Variants in CELF3 observed in about 807,000 individuals in gnomAD.
The protein encoded by CELF3 is CAG repeat domain.
A neutral mutation model predicts 59.6 loss-of-function variants in CELF3; 26 were observed. That is an observed-to-expected ratio of 0.44 (90% CI 0.32 to 0.61). CELF3 has a LOEUF of 0.61. Ranked by LOEUF, CELF3 falls within the 20% of genes least tolerant of loss-of-function variation. The pLI is 0.06. For synonymous variants in CELF3, 245 were observed against 250.7 expected, an observed-to-expected ratio of 0.98 and a Z score of 0.22; for missense variants, 387 against 627.2, an observed-to-expected ratio of 0.62 and a Z score of 4.09.
At chr1:151,706,591 C>T in intron 9 of CELF3, 78 bp downstream of exon 9, 2 of 1,449,486 alleles carry the variant, frequency 1.4e-6, no homozygotes, top group Non-Finnish European at 1.9e-6. Flanking sequence ...AGCCAAGAAG[C>T]CCAGACCCAG....
In CELF3 at chr1:151,707,736, G is replaced by A. The variant is rs1222172840; in HGVS notation, c.630+56C>T. Reference sequence around the variant, plus strand: ...CCCGGGGCCTTGGCATCGGGAGGGTGGGGGCAAGATACAGGGGGTCAGGAG... The same window carrying A: ...CCCGGGGCCTTGGCATCGGGAGGGTAGGGGCAAGATACAGGGGGTCAGGAG... On this transcript the variant is annotated intron_variant, in intron 6 of 12. Coordinates refer to ENST00000290583, the MANE Select transcript of CELF3 (RefSeq NM_007185.7). 4 of 1,602,934 alleles carry A rather than the reference G, an allele frequency of 2.5e-6. No individual in the cohort carries two copies. The African/African-American group carries it at 4.0e-5, about 16-fold the overall frequency.
Position 151,716,601 on chromosome 1 carries a change from A to C in CELF3, c.-581T>G, listed in dbSNP as rs1673494589. ...GAAGATCCCTGATGCCAGATGCTTG[A>C]TCTCTGATGGCGGCAGGGCTCCAGG... On this transcript the variant is annotated 5_prime_UTR_variant, in exon 1 of 13. Coordinates refer to ENST00000290583, the MANE Select transcript of CELF3 (RefSeq NM_007185.7). The C allele has an allele frequency of 2.9e-6, 1 of 345,960 alleles. No homozygotes were observed. Among genetic ancestry groups the C allele is most frequent in the Non-Finnish European group, 5.9e-6 (1 of 169,256 alleles). The allele number at this position is 345,960 out of a possible 1,614,324, so 21.4% of individuals were successfully genotyped here. A position where few individuals can be genotyped will look rare whatever the true frequency, so the allele number is the denominator to read the frequency against.
In CELF3 at chr1:151,709,185, G is replaced by C. The variant is rs1365166265; in HGVS notation, c.406+35C>G. On this transcript the variant is annotated intron_variant, in intron 4 of 12. Coordinates refer to ENST00000290583, the MANE Select transcript of CELF3 (RefSeq NM_007185.7). The surrounding 1 kb of genome is among the most constrained non-coding windows in gnomAD (Gnocchi z 4.9). ...CTTGGGGGTGGAACAGGAAGGGGAA[G>C]GGCCCGGTGGGGAAGGGGGAAGTGG... is the stretch of plus-strand genomic sequence containing the variant. 1 of 1,610,346 alleles carries C rather than the reference G, an allele frequency of 6.2e-7. No individual in the cohort carries two copies. The highest frequency in any genetic ancestry group is 8.5e-7 in the Non-Finnish European group (1 of 1,177,014).
Position 151,703,204 on chromosome 1 carries a change from C to A in CELF3, c.*255G>T. 2.2e-6 allele frequency: 1 copy of A among 458,840 alleles called. No homozygotes were observed. Among genetic ancestry groups the A allele is most frequent in the South Asian group, 1.5e-5 (1 of 64,636 alleles). The allele number at this position is 458,840 out of a possible 1,614,324, so 28.4% of individuals were successfully genotyped here. ...ATACCCCGGAGCCTTCGAGCCTGTT[C>A]CTCGCTCCCTCACAAAGGCCAAAAG... is the stretch of plus-strand genomic sequence containing the variant. On this transcript the variant is annotated 3_prime_UTR_variant, in exon 13 of 13. Coordinates refer to ENST00000290583, the MANE Select transcript of CELF3 (RefSeq NM_007185.7).
rs558315598 is a variant in CELF3 at position 151,716,727 on chromosome 1, C to A, written c.-707G>T. ...CTGGGCTGCTGCCGGCTGCTCCCGCCGCTGGGGCTGCCTGCTTTCCCGGTC... is the reference window on the plus strand; with the variant it reads ...CTGGGCTGCTGCCGGCTGCTCCCGCAGCTGGGGCTGCCTGCTTTCCCGGTC... On this transcript the variant is annotated 5_prime_UTR_variant, in exon 1 of 13. Coordinates refer to ENST00000290583, the MANE Select transcript of CELF3 (RefSeq NM_007185.7). 3.0e-5 allele frequency: 14 copies of A among 460,008 alleles called. No homozygotes were observed. The highest frequency in any genetic ancestry group is 7.2e-5 in the Admixed American group (3 of 41,918). 28.5% of individuals were successfully genotyped at this position (460,008 alleles called of 1,614,324 possible).
rs1210175179 is a variant in CELF3 at position 151,700,432 on chromosome 1, A to G, written c.*3027T>C. On this transcript the variant is annotated 3_prime_UTR_variant, in exon 13 of 13. Coordinates refer to ENST00000290583, the MANE Select transcript of CELF3 (RefSeq NM_007185.7). Reference sequence around the variant, plus strand: ...CTGGGAATGAAAAGACATGGGAGAAAAGGGACCAAACTTGCCTAGAGAACA... The same window carrying G: ...CTGGGAATGAAAAGACATGGGAGAAGAGGGACCAAACTTGCCTAGAGAACA... Among the ~76,000 whole-genome samples, 1 of 152,222 alleles carries G rather than the reference A, an allele frequency of 6.6e-6. No homozygotes were observed.
In CELF3 at chr1:151,705,725, A is replaced by G. The variant is rs2102769958; in HGVS notation, c.1270+97T>C. The G allele has an allele frequency of 1.5e-6, 2 of 1,350,768 alleles. No homozygotes were observed. Among genetic ancestry groups the G allele is most frequent in the Non-Finnish European group, 2.1e-6 (2 of 973,106 alleles). The allele number at this position is 1,350,768 out of a possible 1,614,324, so 83.7% of individuals were successfully genotyped here. ...TGTACTCTTGGATAATCAGTATTTC[A>G]AATACTGGGTCCACTGTGACCATAA... On this transcript the variant is annotated intron_variant, in intron 11 of 12. Coordinates refer to ENST00000290583, the MANE Select transcript of CELF3 (RefSeq NM_007185.7). This position sits in a 1 kb window ranked among gnomAD's most constrained non-coding sequence, Gnocchi z 5.1.
chr1:151,709,531 G>T lies in CELF3; in HGVS notation c.278-183C>A. ...AGAGGGTGCTCATCCCAGCTCTGAGGGACTCGCACTCCACCCTGGGCCTCA... is the reference window on the plus strand; with the variant it reads ...AGAGGGTGCTCATCCCAGCTCTGAGTGACTCGCACTCCACCCTGGGCCTCA... On this transcript the variant is annotated intron_variant, in intron 3 of 12. Coordinates refer to ENST00000290583, the MANE Select transcript of CELF3 (RefSeq NM_007185.7). The surrounding 1 kb of genome is among the most constrained non-coding windows in gnomAD (Gnocchi z 4.9). 1 of 959,508 alleles carries T rather than the reference G, an allele frequency of 1.0e-6. No homozygotes were observed. Among genetic ancestry groups the T allele is most frequent in the Non-Finnish European group, 1.6e-6 (1 of 629,426 alleles). The allele number at this position is 959,508 out of a possible 1,614,324, so 59.4% of individuals were successfully genotyped here. A position where few individuals can be genotyped will look rare whatever the true frequency, so the allele number is the denominator to read the frequency against.
rs1349814127 is a variant in CELF3, at chr1:151,701,875, A to T, written c.*1584T>A. ...GAGTTCAAGGTTGCAGTGAGCTATG[A>T]TCTCACCATCACACTCCAGCTTGAG... On this transcript the variant is annotated 3_prime_UTR_variant, in exon 13 of 13. Transcript: ENST00000290583. 6.6e-6 allele frequency among the ~76,000 whole-genome samples: 1 copy of T among 152,198 alleles called. No homozygotes were observed. The highest frequency in any genetic ancestry group is 6.5e-5 in the Admixed American group (1 of 15,286).
In CELF3 at chr1:151,700,743, A is replaced by G. The variant is rs950384798; in HGVS notation, c.*2716T>C. On this transcript the variant is annotated 3_prime_UTR_variant, in exon 13 of 13. Transcript: ENST00000290583. ...TGGAAGTGAAATCTTAAATGATTTAATACCATTGAGTTTATGCGAAAGTAC... is the reference window on the plus strand; with the variant it reads ...TGGAAGTGAAATCTTAAATGATTTAGTACCATTGAGTTTATGCGAAAGTAC... Among the ~76,000 whole-genome samples, 3 of 152,246 alleles carry G rather than the reference A, an allele frequency of 2.0e-5. No homozygotes were observed. Among genetic ancestry groups the G allele is most frequent in the African/African-American group, 7.2e-5 (3 of 41,458 alleles).
chr1:151,707,020 G>C (rs115502168), intron 8 of CELF3, 125 bp downstream of exon 8: 22,182 of 1,166,472 alleles, frequency 0.019, 261 homozygotes, highest in Middle Eastern at 0.044. Flanking sequence ...TCCCCGCCCA[G>C]GATGGCAGGG....
chr1:151,714,526 G>T, intron 2 of CELF3, 68 bp downstream of exon 2: 1 of 1,108,314 alleles, frequency 9.0e-7, no homozygotes, highest in Non-Finnish European at 1.3e-6. Context: ...GTGTCAGGAG[G>T]GTGGTGAGCC....
Position 151,716,669 on chromosome 1 carries a change from GC to G in CELF3, c.-650del. 8.6e-6 allele frequency: 1 copy of G among 116,314 alleles called. No individual in the cohort carries two copies. The highest frequency in any genetic ancestry group is 8.6e-5 in the South Asian group (1 of 11,588). The allele number at this position is 116,314 out of a possible 1,614,324, so 7.2% of individuals were successfully genotyped here. ...CGCCCCCCTTCAGGTCCTCCCCTCAGCCCCCCTCCCACCCCCACCCCAGTCC... is the reference window on the plus strand; with the variant it reads ...CGCCCCCCTTCAGGTCCTCCCCTCAGCCCCCTCCCACCCCCACCCCAGTCC... On this transcript the variant is annotated 5_prime_UTR_variant, in exon 1 of 13. Coordinates refer to ENST00000290583, the MANE Select transcript of CELF3 (RefSeq NM_007185.7).
At chr1:151,708,868 T>C in intron 5 of CELF3, 130 bp downstream of exon 5, 1 of 817,050 alleles carries the variant, frequency 1.2e-6, no homozygotes, top group Non-Finnish European at 1.9e-6. Flanking sequence ...GCAGTTTGGT[T>C]CTTCTGCCAG....
At chr1:151,710,573 T>G in intron 2 of CELF3, 1 of 447,394 alleles carries the variant, frequency 2.2e-6, no homozygotes, top group Non-Finnish European at 4.5e-6. Context: ...GAGGGAGGCT[T>G]GCAGAGCAGG....
At position 151,707,923 on chromosome 1, in the gene CELF3, T is replaced by C. The variant is rs754370870; in HGVS notation, c.499A>G (p.Ser167Gly). The C allele has an allele frequency of 1.9e-6, 3 of 1,612,224 alleles. No individual in the cohort carries two copies. In the African/African-American group the frequency reaches 4.0e-5, roughly 22 times the overall value. The change falls in exon 6 of 13, where the codon AGC becomes GGC. Residue 167 changes from serine to glycine, a missense_variant. This residue lies in a region of CELF3 where 208 missense variants were observed against 354.8 expected (regional missense o/e 0.59). Transcript: ENST00000290583. ...SSRTLPGASSSLVVKFADTEK... is the reference protein window; with the variant it reads ...SSRTLPGASSGLVVKFADTEK... ...GTGTCAGCAAACTTCACCACCAGGC[T>C]GGACGAGGCACCCTGGGCACGGGCC...
At position 151,706,246 on chromosome 1, in the gene CELF3, T is replaced by TTGCTGCTGC. The variant is rs746113287; in HGVS notation, c.1095_1103dup (p.Gln371_Gln373dup). 2,899 of 1,597,580 alleles carry TTGCTGCTGC rather than the reference T, an allele frequency of 1.8e-3. 34 individuals are homozygous for TTGCTGCTGC. In the African/African-American group the frequency reaches 0.035, roughly 19 times the overall value. ...CACCTTCTCTTTGCTGCTGCTGCTG[T>TTGCTGCTGC]TGCTGCTGCTGCTGCTGCTGCTGCT... On this transcript the variant is annotated inframe_insertion, in exon 10 of 13. Transcript: ENST00000290583.
At chr1:151,708,975 G>A (rs771796109) in intron 5 of CELF3, 23 bp downstream of exon 5, 22 of 1,607,276 alleles carry the variant, frequency 1.4e-5, no homozygotes, top group African/African-American at 5.3e-5. Flanking sequence ...GGAGAGGCCC[G>A]GGGGCAGGGG....
At position 151,709,546 on chromosome 1, in the gene CELF3, C is replaced by T; in HGVS notation, c.277+197G>A. ...CAGCTCTGAGGGACTCGCACTCCAC[C>T]CTGGGCCTCAGTTTTGCCATCTGTA... On this transcript the variant is annotated intron_variant, in intron 3 of 12. Coordinates refer to ENST00000290583, the MANE Select transcript of CELF3 (RefSeq NM_007185.7). The surrounding 1 kb of genome is among the most constrained non-coding windows in gnomAD (Gnocchi z 4.9). 1.1e-6 allele frequency: 1 copy of T among 925,236 alleles called. No individual in the cohort carries two copies. Among genetic ancestry groups the T allele is most frequent in the South Asian group, 1.5e-5 (1 of 65,014 alleles). The allele number at this position is 925,236 out of a possible 1,614,324, so 57.3% of individuals were successfully genotyped here.
Sources: allele counts gnomAD v4.1 joint callset (sites outside exome capture counted in the v4.1 genomes callset), GRCh38; gene constraint gnomAD v4.1.1; regional missense constraint gnomAD v4.1.1; non-coding constraint Gnocchi (gnomAD v3.1); transcripts MANE v1.5; gene names NCBI Gene and HGNC (gene_info 2026-07-23, HGNC 2026-07-21).